GRM5: variants seen among roughly 807,000 people sequenced by gnomAD.
The protein encoded by GRM5 is metabotropic glutamate receptor 5.
Under a neutral mutation model 83.1 loss-of-function variants are expected in GRM5, and 19 were observed. The ratio of observed to expected loss-of-function variants is 0.23; its 90% CI spans 0.16 to 0.34. The LOEUF is 0.34. Among genes scored for constraint, GRM5 ranks in the 10% least tolerant of loss-of-function variants. The pLI, the probability that GRM5 is intolerant of heterozygous loss-of-function variation, is 1.00. For synonymous variants in GRM5, 675 were observed against 633.6 expected (o/e 1.07, Z -0.98); for missense variants, 1,160 against 1,588.3 (o/e 0.73, Z 4.58).
intron 3 of GRM5, among the ~76,000 whole-genome samples, chr11:88,793,460 G>A (rs1350310552): frequency 4.6e-5 from 7 of 152,120 alleles, no homozygotes; most frequent in South Asian, 4.1e-4. Flanking sequence ...TGGTAGAACC[G>A]TAGTATCAAT....
Position 88,637,612 on chromosome 11 carries a change from C to T in GRM5, c.1147+15556G>A, listed in dbSNP as rs1355070103. Among the ~76,000 whole-genome samples the T allele has an allele frequency of 2.7e-5, 4 of 147,488 alleles. No homozygotes were observed. The East Asian group carries it at 5.9e-4, about 22-fold the overall frequency. ...AATCAAAACCACAATGAGATACCATCTCACACCAGTTAGAATGGCAATCAT... is the reference window on the plus strand; with the variant it reads ...AATCAAAACCACAATGAGATACCATTTCACACCAGTTAGAATGGCAATCAT... On this transcript the variant is annotated intron_variant, in intron 4 of 9. Coordinates refer to ENST00000305447, the MANE Select transcript of GRM5 (RefSeq NM_001143831.3).
chr11:88,701,292 A>T (rs757598341), intron 3 of GRM5, among the ~76,000 whole-genome samples: 1 of 152,130 alleles, frequency 6.6e-6, no homozygotes, highest in African/African-American at 2.4e-5. Context: ...CCTCCTTGCC[A>T]TATCTTGACA....
At chr11:88,552,497 G>A (rs758963204) in intron 8 of GRM5, among the ~76,000 whole-genome samples, 22 of 152,120 alleles carry the variant, frequency 1.4e-4, no homozygotes, top group Admixed American at 1.3e-4. Context: ...TGCTTACATT[G>A]AGCTCTCTGT....
At chr11:88,751,221 G>A (rs1427576117) in intron 3 of GRM5, among the ~76,000 whole-genome samples, 1 of 151,434 alleles carries the variant, frequency 6.6e-6, no homozygotes, top group Non-Finnish European at 1.5e-5. Flanking sequence ...AGATTAAAAA[G>A]AAGGAAAAAG....
At chr11:89,019,627 C>T (rs1341084242) in intron 2 of GRM5, among the ~76,000 whole-genome samples, 1 of 152,016 alleles carries the variant, frequency 6.6e-6, no homozygotes, top group Non-Finnish European at 1.5e-5. Flanking sequence ...ATCACTTGAG[C>T]CCCGGAGGTG....
chr11:88,611,785 GTTC>G (rs1442567715), intron 4 of GRM5, among the ~76,000 whole-genome samples: 1 of 151,786 alleles, frequency 6.6e-6, no homozygotes, highest in Non-Finnish European at 1.5e-5. Context: ...TGTTTTTCTA[GTTC>G]TTCTTCCTTT....
rs144627459 is a variant in GRM5, at chr11:88,755,442, T to C, written c.911+94464A>G. ...TTAGGAAGAGTTTTTAATCATATGG[T>C]AGGAAAAAATTGAATTTCTTTAAGT... On this transcript the variant is annotated intron_variant, in intron 3 of 9. Transcript: ENST00000305447. Among the ~76,000 whole-genome samples, 640 of 152,246 alleles carry C rather than the reference T, an allele frequency of 4.2e-3. 4 individuals carry two copies. The highest frequency in any genetic ancestry group is 0.014 in the African/African-American group (601 of 41,566).
chr11:88,623,078 CTTATTTT>C (rs1056763367), intron 4 of GRM5, among the ~76,000 whole-genome samples: 5 of 151,634 alleles, frequency 3.3e-5, no homozygotes, highest in Admixed American at 6.6e-5. Flanking sequence ...AATAAGATCA[CTTATTTT>C]TTATTTTTTA....
chr11:88,613,533 G>A (rs981108312), intron 4 of GRM5, among the ~76,000 whole-genome samples: 67 of 152,136 alleles, frequency 4.4e-4, no homozygotes, highest in African/African-American at 1.6e-3. Context: ...CCATTTGCCT[G>A]ATAGATCTTT....
chr11:89,029,999 C>A (rs573344661), intron 2 of GRM5, among the ~76,000 whole-genome samples: 1 of 152,082 alleles, frequency 6.6e-6, no homozygotes, highest in Non-Finnish European at 1.5e-5. Context: ...CTTTTTCCTT[C>A]TTTCTGGGAG....
intron 3 of GRM5, among the ~76,000 whole-genome samples, chr11:88,669,052 A>G (rs1940125661): frequency 6.6e-6 from 1 of 152,042 alleles, no homozygotes; most frequent in African/African-American, 2.4e-5. Flanking sequence ...CAATAATCCT[A>G]TTTCTGGGTA....
intron 4 of GRM5, 63 bp downstream of exon 4, chr11:88,653,105 A>C (rs532583111): frequency 2.0e-6 from 2 of 996,780 alleles, no homozygotes; most frequent in Non-Finnish European, 3.2e-6. Flanking sequence ...TCCCCATGAC[A>C]TGGTTTACTT....
intron 3 of GRM5, among the ~76,000 whole-genome samples, chr11:88,728,852 C>G (rs571309015): frequency 6.6e-6 from 1 of 152,218 alleles, no homozygotes; most frequent in East Asian, 1.9e-4. Context: ...TCTCAATAAA[C>G]TAGGTATTGA....
chr11:88,840,147 T>C (rs1668526446), intron 3 of GRM5, among the ~76,000 whole-genome samples: 1 of 152,078 alleles, frequency 6.6e-6, no homozygotes, highest in African/African-American at 2.4e-5. Context: ...AATGCATTTT[T>C]GCCTTTTTTT....
chr11:88,872,663 G>A (rs1302129107), intron 2 of GRM5, among the ~76,000 whole-genome samples: 10 of 151,042 alleles, frequency 6.6e-5, no homozygotes, highest in Non-Finnish European at 1.3e-4. Flanking sequence ...CCTCACCCTG[G>A]CAGTGACAGA....
intron 7 of GRM5, 117 bp downstream of exon 7, chr11:88,590,484 A>G (rs1358052791): frequency 3.9e-6 from 3 of 772,088 alleles, no homozygotes; most frequent in Non-Finnish European, 6.3e-6. Flanking sequence ...CAAGGAAATT[A>G]TTTGTTCCAT....
chr11:88,802,308 G>A (rs1194441078), intron 3 of GRM5, among the ~76,000 whole-genome samples: 1 of 151,988 alleles, frequency 6.6e-6, no homozygotes, highest in Non-Finnish European at 1.5e-5. Flanking sequence ...ACAGATAATT[G>A]AATAAAGAAA....
intron 2 of GRM5, among the ~76,000 whole-genome samples, chr11:88,921,847 A>G (rs1409752638): frequency 6.6e-6 from 1 of 152,114 alleles, no homozygotes; most frequent in Non-Finnish European, 1.5e-5. Flanking sequence ...TATATTTAGA[A>G]ACTCCTAATG....
At chr11:88,593,766 C>CTT (rs1430004446) in intron 6 of GRM5, among the ~76,000 whole-genome samples, 84 of 84,288 alleles carry the variant, frequency 1.0e-3, no homozygotes, top group South Asian at 4.2e-3. Flanking sequence ...CCCTCCTTCT[C>CTT]TCTCTCTCTC....
Sources: allele counts gnomAD v4.1 joint callset (sites outside exome capture counted in the v4.1 genomes callset), GRCh38; gene constraint gnomAD v4.1.1; transcripts MANE v1.5; gene names NCBI Gene and HGNC (gene_info 2026-07-23, HGNC 2026-07-21).